Variants in ARSA observed in about 807,000 individuals in gnomAD.
The protein encoded by ARSA is cerebroside-sulfatase.
In ARSA, 32 loss-of-function variants were observed where a neutral mutation model predicts 37.8. That is an observed-to-expected ratio of 0.85 (90% CI 0.64 to 1.14). The LOEUF is 1.14. ARSA is among the 50% of genes most tolerant of loss of function. The pLI, the probability that ARSA is intolerant of heterozygous loss-of-function variation, is 0.00. For missense variants in ARSA, 685 were observed against 686.3 expected (o/e 1.00, Z 0.02); for synonymous variants, 303 against 303.4 (o/e 1.00, Z 0.01).
Position 50,626,360 on chromosome 22 carries a change from G to C in ARSA, c.855-82C>G, listed in dbSNP as rs9616801. On this transcript the variant is annotated intron_variant, in intron 4 of 7. Coordinates refer to ENST00000216124, the MANE Select transcript of ARSA (RefSeq NM_000487.6). ...GTGACCAGTGGCCCCACACCTCTAA[G>C]TCACAAAGCTTGCCCGGAGGTGCCC... is the stretch of plus-strand genomic sequence containing the variant. 0.036 allele frequency: 56,703 copies of C among 1,578,802 alleles called. 1,197 individuals are homozygous for C. Among genetic ancestry groups the C allele is most frequent in the Non-Finnish European group, 0.039 (46,020 of 1,168,946 alleles).
chr22:50,624,985 C>T lies in ARSA; in HGVS notation c.*160G>A. On this transcript the variant is annotated 3_prime_UTR_variant, in exon 8 of 8. Transcript: ENST00000216124. ...TCATTCGTACCACAGGGGACCGGCA[C>T]CAGCACACAGCATTACCCCAGGATT... 1.1e-6 allele frequency: 1 copy of T among 880,494 alleles called. No homozygotes were observed. 54.5% of individuals were successfully genotyped at this position (880,494 alleles called of 1,614,324 possible). A position where few individuals can be genotyped will look rare whatever the true frequency, so the allele number is the denominator to read the frequency against.
rs1344618763 is a variant in ARSA, at chr22:50,624,485, G to A, written c.*660C>T. Among the ~76,000 whole-genome samples, 2 of 152,282 alleles carry A rather than the reference G, an allele frequency of 1.3e-5. No homozygotes were observed. The highest frequency in any genetic ancestry group is 3.4e-3 in the Middle Eastern group (1 of 294). On this transcript the variant is annotated 3_prime_UTR_variant, in exon 8 of 8. Coordinates refer to ENST00000216124, the MANE Select transcript of ARSA (RefSeq NM_000487.6). ...GCACAGGTGAAATGCAGAGGCCTGG[G>A]AGGGTGGAGGGGCCCCAGAGGAGCC...
chr22:50,626,138 G>A lies in ARSA; in HGVS notation c.979+16C>T. 1 of 1,599,944 alleles carries A rather than the reference G, an allele frequency of 6.3e-7. No homozygotes were observed. The highest frequency in any genetic ancestry group is 8.5e-7 in the Non-Finnish European group (1 of 1,174,692). On this transcript the variant is annotated intron_variant, in intron 5 of 7. Transcript: ENST00000216124. ...TGGTGGGGCCAGGGTTCCAAGGAGAGGGCCTGCGGACTGACCGGGAGCGAT... is the reference window on the plus strand; with the variant it reads ...TGGTGGGGCCAGGGTTCCAAGGAGAAGGCCTGCGGACTGACCGGGAGCGAT...
rs131716 is a variant in ARSA, at chr22:50,623,898, CAAAAAAAAAAAAAAA to C, written c.*1232_*1246del. On this transcript the variant is annotated 3_prime_UTR_variant, in exon 8 of 8. Transcript: ENST00000216124. ...TGGGCGACAGAGCGAGACTCCGTCTCAAAAAAAAAAAAAAAAAAAAAAAAAAAAAAAAAAAAAAAA... is the reference window on the plus strand; with the variant it reads ...TGGGCGACAGAGCGAGACTCCGTCTCAAAAAAAAAAAAAAAAAAAAAAAAA... The C allele has an allele frequency of 2.8e-5, 4 of 141,750 alleles. No homozygotes were observed. The highest frequency in any genetic ancestry group is 5.3e-5 in the African/African-American group (2 of 37,984). The allele number at this position is 141,750 out of a possible 1,614,324, so 8.8% of individuals were successfully genotyped here.
chr22:50,626,122 C>T (rs1223366135), intron 5 of ARSA, 32 bp downstream of exon 5: 1 of 1,599,510 alleles, frequency 6.3e-7, no homozygotes. Context: ...GTGGTGGGGC[C>T]AGGGTTCCAA....
chr22:50,627,907 C>A lies in ARSA; in HGVS notation c.-128G>T, dbSNP rs533044944. 41 of 953,626 alleles carry A rather than the reference C, an allele frequency of 4.3e-5. No individual in the cohort carries two copies. The East Asian group carries it at 1.0e-3, about 24-fold the overall frequency. 59.1% of individuals were successfully genotyped at this position (953,626 alleles called of 1,614,324 possible). Reference sequence around the variant, plus strand: ...CCAAATACTCCCCGACCCTGACGGCCGCCTCCTGAAGCTCCAGAGGGCCGG... The same window carrying A: ...CCAAATACTCCCCGACCCTGACGGCAGCCTCCTGAAGCTCCAGAGGGCCGG... On this transcript the variant is annotated 5_prime_UTR_variant, in exon 1 of 8. Transcript: ENST00000216124.
Position 50,625,572 on chromosome 22 carries a change from G to A in ARSA, c.1210+7C>T. On this transcript the variant is annotated splice_region_variant and intron_variant, in intron 7 of 7. Coordinates refer to ENST00000216124, the MANE Select transcript of ARSA (RefSeq NM_000487.6). Reference sequence around the variant, plus strand: ...GTCGGGGGGAGGGATCCACGGGGAGGGGTTACCCTGGGTGAAGAAGTGAGC... The same window carrying A: ...GTCGGGGGGAGGGATCCACGGGGAGAGGTTACCCTGGGTGAAGAAGTGAGC... The A allele has an allele frequency of 6.2e-7, 1 of 1,613,042 alleles. No homozygotes were observed. The highest frequency in any genetic ancestry group is 1.1e-5 in the South Asian group (1 of 91,082).
rs131716 is a variant in ARSA at position 50,623,898 on chromosome 22, CAAA to C, written c.*1244_*1246del. ...TGGGCGACAGAGCGAGACTCCGTCT[CAAA>C]AAAAAAAAAAAAAAAAAAAAAAAAA... is the stretch of plus-strand genomic sequence containing the variant. On this transcript the variant is annotated 3_prime_UTR_variant, in exon 8 of 8. Coordinates refer to ENST00000216124, the MANE Select transcript of ARSA (RefSeq NM_000487.6). 1.1e-4 allele frequency: 16 copies of C among 141,748 alleles called. No individual in the cohort carries two copies. The highest frequency in any genetic ancestry group is 4.2e-4 in the African/African-American group (16 of 37,982). The allele number at this position is 141,748 out of a possible 1,614,324, so 8.8% of individuals were successfully genotyped here.
chr22:50,625,637 C>G lies in ARSA; in HGVS notation c.1152G>C (p.Glu384Asp). 1 of 1,613,794 alleles carries G rather than the reference C, an allele frequency of 6.2e-7. No individual in the cohort carries two copies. The highest frequency in any genetic ancestry group is 8.5e-7 in the Non-Finnish European group (1 of 1,179,994). The change falls in exon 7 of 8, where the codon GAG becomes GAC. Residue 384 changes from glutamate to aspartate, a missense_variant. By Grantham distance (45) the Glu-to-Asp change is conservative (BLOSUM62 2). Transcript: ENST00000216124. ...SLFFYPSYPDEVRGVFAVRTG... is the reference protein window; with the variant it reads ...SLFFYPSYPDDVRGVFAVRTG... The stretch of plus-strand genomic sequence containing the variant: ...TCCGCACAGCAAAAACCCCACGGAC[C>G]TCGTCTGGGTAGGACGGGTAGAAGA...
rs758769790 is a variant in ARSA, at chr22:50,625,917, CA to C, written c.1107+18del. 1.5e-5 allele frequency: 23 copies of C among 1,567,598 alleles called. No homozygotes were observed. The highest frequency in any genetic ancestry group is 1.9e-5 in the Admixed American group (1 of 51,616). On this transcript the variant is annotated intron_variant, in intron 6 of 7. Transcript: ENST00000216124. ...AGGACAGGGGCCAAGGATCTGGGAT[CA>C]GGGGTCACCGGCCCTACCTTGCCTG...
chr22:50,626,288 A>G lies in ARSA; in HGVS notation c.855-10T>C. On this transcript the variant is annotated splice_polypyrimidine_tract_variant and intron_variant, in intron 4 of 7. Transcript: ENST00000216124. ...ACGCATGGTCTCAGGTCTGGGACAC[A>G]GGAGGCGCTCATGAGCCATGGAGCC... 6.2e-7 allele frequency: 1 copy of G among 1,610,826 alleles called. No homozygotes were observed.
In ARSA at chr22:50,625,045, G is replaced by GTTA; in HGVS notation, c.*97_*99dup. On this transcript the variant is annotated 3_prime_UTR_variant, in exon 8 of 8. Transcript: ENST00000216124. Reference sequence around the variant, plus strand: ...GTCACATCTGCAAGTCTCCACTGGTGTTATTACGTTATCAGGCACAAACCC... The same window carrying GTTA: ...GTCACATCTGCAAGTCTCCACTGGTGTTATTATTACGTTATCAGGCACAAACCC... 7.6e-7 allele frequency: 1 copy of GTTA among 1,317,630 alleles called. No individual in the cohort carries two copies. Among genetic ancestry groups the GTTA allele is most frequent in the Non-Finnish European group, 1.0e-6 (1 of 991,658 alleles). The allele number at this position is 1,317,630 out of a possible 1,614,324, so 81.6% of individuals were successfully genotyped here.
At chr22:50,627,483 C>T (rs2082695685) in intron 1 of ARSA, 73 bp downstream of exon 1, 4 of 1,590,054 alleles carry the variant, frequency 2.5e-6, no homozygotes, top group Non-Finnish European at 3.4e-6. Context: ...ACGTTTTTCC[C>T]GCCCCCCTGC....
In ARSA at chr22:50,627,303, C is replaced by T. The variant is rs1299130297; in HGVS notation, c.328G>A (p.Ala110Thr). The change falls in exon 2 of 8, where the codon GCC becomes ACC. Residue 110 changes from alanine to threonine, a missense_variant. Physicochemically the swap from Ala to Thr is moderately conservative, Grantham distance 58. Coordinates refer to ENST00000216124, the MANE Select transcript of ARSA (RefSeq NM_000487.6). ...GGLPLEEVTV[A>T]EVLAARGYLT... is the part of the protein sequence containing the mutation. ...TAGCCTCGGGCAGCCAGGACTTCGG[C>T]CACGGTCACCTCCTCCAGGGGCAGG... is the stretch of plus-strand genomic sequence containing the variant. The T allele has an allele frequency of 1.9e-6, 3 of 1,587,362 alleles. No homozygotes were observed. The East Asian group carries it at 6.9e-5, about 36-fold the overall frequency.
chr22:50,626,203 G>T lies in ARSA; in HGVS notation c.930C>A (p.Gly310=). ...AGGCCAAGGCAGGCTCTCGGACACC[G>T]CCCTCGTAGGTCGTTCCCTTTCCAC... ...LRCGKGTTYE[G]GVREPALAFW... Residue 310 remains glycine (G), a synonymous_variant, in exon 5 of 8, where the codon GGC becomes GGA. Coordinates refer to ENST00000216124, the MANE Select transcript of ARSA (RefSeq NM_000487.6). 6.2e-7 allele frequency: 1 copy of T among 1,612,128 alleles called. No individual in the cohort carries two copies. Among genetic ancestry groups the T allele is most frequent in the Non-Finnish European group, 8.5e-7 (1 of 1,179,458 alleles).
In ARSA at chr22:50,623,547, C is replaced by T. The variant is rs984845349; in HGVS notation, c.*1598G>A. 6.6e-6 allele frequency among the ~76,000 whole-genome samples: 1 copy of T among 152,126 alleles called. No individual in the cohort carries two copies. The highest frequency in any genetic ancestry group is 2.4e-5 in the African/African-American group (1 of 41,422). On this transcript the variant is annotated 3_prime_UTR_variant, in exon 8 of 8. Transcript: ENST00000216124. ...CTCGACCTAGTGGGCTGAAGTGATTCTCCCACCTCAACCTCCCAAATTGCT... is the reference window on the plus strand; with the variant it reads ...CTCGACCTAGTGGGCTGAAGTGATTTTCCCACCTCAACCTCCCAAATTGCT...
Position 50,625,319 on chromosome 22 carries a change from T to G in ARSA, c.1356A>C (p.Pro452=). 6.2e-7 allele frequency: 1 copy of G among 1,612,772 alleles called. No homozygotes were observed. Residue 452 remains proline, a synonymous_variant, in exon 8 of 8, where the codon CCA becomes CCC. Coordinates refer to ENST00000216124, the MANE Select transcript of ARSA (RefSeq NM_000487.6). ...GCTGTTTCAGGGCTTGCAGCACCTC[T>G]GGGGTGGCCCCGGCCACACCCCCCA... ...NLLGGVAGAT[P]EVLQALKQLQ... is the part of the protein sequence containing the mutation.
At chr22:50,627,124 T>G (rs768313691) in intron 2 of ARSA, 42 bp downstream of exon 2, 4 of 1,596,038 alleles carry the variant, frequency 2.5e-6, no homozygotes, top group Non-Finnish European at 3.4e-6. Context: ...CTGGGGGACT[T>G]TGGGAGGTGG....
rs1294716769 is a variant in ARSA, at chr22:50,626,004, C to T, written c.1039G>A (p.Gly347Arg). The T allele has an allele frequency of 2.5e-6, 4 of 1,579,252 alleles. No individual in the cohort carries two copies. The highest frequency in any genetic ancestry group is 2.7e-5 in the African/African-American group (2 of 74,740). The change falls in exon 6 of 8, where the codon GGG becomes AGG. Residue 347 changes from glycine (G) to arginine (R), a missense_variant. Transcript: ENST00000216124. ...AAGGTGACATTGGGCAGTGGGGCCC[C>T]AGCCAGGGCTGCCAGGGTAGGCAGC... ...DLLPTLAALAGAPLPNVTLDG... is the reference protein window; with the variant it reads ...DLLPTLAALARAPLPNVTLDG...
Sources: allele counts gnomAD v4.1 joint callset (sites outside exome capture counted in the v4.1 genomes callset), GRCh38; gene constraint gnomAD v4.1.1; transcripts MANE v1.5; gene names NCBI Gene and HGNC (gene_info 2026-07-23, HGNC 2026-07-21).